TTC6: variants seen among roughly 807,000 people sequenced by gnomAD.
TTC6 encodes tetratricopeptide repeat protein 6.
TTC6 carries 172 observed loss-of-function variants against 210.4 expected under a neutral mutation model. That is an observed-to-expected ratio of 0.82 (90% CI 0.72 to 0.93). The LOEUF (loss-of-function observed/expected upper bound fraction) is 0.93, where lower values mean the gene tolerates loss of function less well. TTC6 is among the 40% of genes least tolerant of loss of function. The pLI is 0.00. For synonymous variants in TTC6, 804 were observed against 819.6 expected (o/e 0.98, Z 0.32); for missense variants, 2,414 against 2,318.1 (o/e 1.04, Z -0.85).
chr14:37,781,445 T>C (rs889174288), intron 14 of TTC6, among the ~76,000 whole-genome samples: 5 of 152,216 alleles, frequency 3.3e-5, no homozygotes, highest in Non-Finnish European at 5.9e-5. Context: ...AAAGTGTTCA[T>C]ATCCTTTGCC....
At chr14:37,704,538 C>CT (rs1260013160) in intron 5 of TTC6, among the ~76,000 whole-genome samples, 12 of 151,800 alleles carry the variant, frequency 7.9e-5, no homozygotes, top group Admixed American at 4.6e-4. Flanking sequence ...TGGTTATGTG[C>CT]TTTTTTCCTT....
chr14:37,835,725 G>C (rs912667520), intron 29 of TTC6, among the ~76,000 whole-genome samples: 6 of 152,188 alleles, frequency 3.9e-5, no homozygotes, highest in Admixed American at 1.3e-4. Context: ...GTGTTAGAAA[G>C]TGGTAAGATC....
chr14:37,604,840 C>A (rs952708048), intron 1 of TTC6, among the ~76,000 whole-genome samples: 1 of 152,158 alleles, frequency 6.6e-6, no homozygotes, highest in African/African-American at 2.4e-5. Flanking sequence ...ACAGTAAGGA[C>A]CACTTATGAT....
intron 26 of TTC6, among the ~76,000 whole-genome samples, chr14:37,821,852 C>T (rs1232884859): frequency 7.0e-6 from 1 of 142,124 alleles, no homozygotes; most frequent in Non-Finnish European, 1.5e-5. Flanking sequence ...ATGATCTCAG[C>T]TCACTGCAAC....
intron 2 of TTC6, among the ~76,000 whole-genome samples, chr14:37,615,615 T>A (rs2095641509): frequency 6.6e-6 from 1 of 152,236 alleles, no homozygotes; most frequent in Admixed American, 6.5e-5. Flanking sequence ...TTTATTTTTT[T>A]AATTTCTTTG....
At chr14:37,834,911 G>A (rs1211465687) in intron 29 of TTC6, among the ~76,000 whole-genome samples, 1 of 152,140 alleles carries the variant, frequency 6.6e-6, no homozygotes, top group Non-Finnish European at 1.5e-5. Context: ...GCACCAGAGA[G>A]TATTATAGTC....
rs558787751 is a variant in TTC6, at chr14:37,787,737, T to A, written c.3436+100T>A. ...GTAATGTGGGTTCACTAATGTAATA[T>A]GTATACTACTATATACTAATATACA... On this transcript the variant is annotated intron_variant, in intron 15 of 30. Coordinates refer to ENST00000553443, the Ensembl canonical transcript of TTC6. The A allele has an allele frequency of 9.1e-6, 8 of 881,066 alleles. No homozygotes were observed. The African/African-American group carries it at 1.3e-4, about 15-fold the overall frequency. 54.6% of individuals were successfully genotyped at this position (881,066 alleles called of 1,614,324 possible).
intron 1 of TTC6, among the ~76,000 whole-genome samples, chr14:37,628,915 G>T (rs2095664803): frequency 6.6e-6 from 1 of 152,162 alleles, no homozygotes; most frequent in African/African-American, 2.4e-5. Flanking sequence ...TCAGATGGTT[G>T]TAGATGTGTG....
intron 21 of TTC6, 41 bp downstream of exon 23, chr14:37,804,855 A>C (rs566016587): frequency 6.2e-7 from 1 of 1,603,134 alleles, no homozygotes; most frequent in East Asian, 2.2e-5. Flanking sequence ...TTGTGATTTT[A>C]GAGACTGGTT....
exon 14 of TTC6, chr14:37,753,200 C>T (rs2095957615): frequency 6.5e-7 from 1 of 1,534,600 alleles, no homozygotes; most frequent in Non-Finnish European, 8.7e-7. Flanking sequence ...ATTTTACAGC[C>T]TTGTTAAATA....
At chr14:37,738,600 C>G (rs1013252197) in intron 9 of TTC6, among the ~76,000 whole-genome samples, 176 bp from the exon 12 acceptor site, 1 of 152,066 alleles carries the variant, frequency 6.6e-6, no homozygotes, top group Non-Finnish European at 1.5e-5. Context: ...CTTGAACTAA[C>G]CCACTATTAA....
intron 1 of TTC6, among the ~76,000 whole-genome samples, chr14:37,675,787 A>G (rs1478258428): frequency 3.3e-5 from 5 of 151,340 alleles, no homozygotes; most frequent in African/African-American, 9.7e-5. Context: ...GTGAGTATAA[A>G]GTGGTATCTC....
intron 17 of TTC6, among the ~76,000 whole-genome samples, chr14:37,793,890 A>T (rs61977159): frequency 0.011 from 1,678 of 152,250 alleles, 18 homozygotes; most frequent in Non-Finnish European, 0.018. Flanking sequence ...GATATTTTTA[A>T]GTAAGAAAAG....
intron 14 of TTC6, among the ~76,000 whole-genome samples, chr14:37,773,558 G>A (rs1014999341): frequency 6.6e-6 from 1 of 152,156 alleles, no homozygotes. Context: ...TCCAACATCA[G>A]ATGGTTGTAG....
intron 1 of TTC6, among the ~76,000 whole-genome samples, chr14:37,674,257 C>T (rs931453681): frequency 1.3e-5 from 2 of 151,878 alleles, no homozygotes; most frequent in East Asian, 1.9e-4. Flanking sequence ...GATTTTCTGT[C>T]TGAATAACTC....
chr14:37,727,291 A>ATTTTTTTTTTTTCTTTTTTTTTTTTT (rs2095874950), intron 7 of TTC6, among the ~76,000 whole-genome samples: 1 of 92,242 alleles, frequency 1.1e-5, no homozygotes, highest in Non-Finnish European at 2.2e-5. Flanking sequence ...TATTTTTCTA[A>ATTTTTTTTTTTTCTTTTTTTTTTTTT]TTTTTTTTTT....
intron 29 of TTC6, among the ~76,000 whole-genome samples, chr14:37,829,463 T>G (rs2096179755): frequency 6.6e-6 from 1 of 152,066 alleles, no homozygotes; most frequent in South Asian, 2.1e-4. Context: ...ACTCTTAGTT[T>G]AGTTTCTCTA....
At chr14:37,838,639 G>A (rs2096203190) in intron 29 of TTC6, among the ~76,000 whole-genome samples, 1 of 151,746 alleles carries the variant, frequency 6.6e-6, no homozygotes, top group Non-Finnish European at 1.5e-5. Flanking sequence ...CTTTGTTTTT[G>A]TACACAAAGT....
intron 29 of TTC6, among the ~76,000 whole-genome samples, chr14:37,836,552 T>C (rs564545708): frequency 6.6e-6 from 1 of 152,284 alleles, no homozygotes; most frequent in South Asian, 2.1e-4. Context: ...TAAGTATAAC[T>C]CTATTCCTTC....
Sources: gnomAD v4.1 joint callset for allele counts (sites outside exome capture counted in the v4.1 genomes callset) on GRCh38, gnomAD v4.1.1 for gene constraint, MANE v1.5 for transcripts, NCBI Gene and HGNC (gene_info 2026-07-23, HGNC 2026-07-21) for gene names.